The following CGNL1 variants were observed in gnomAD, a reference collection of about 807,000 sequenced individuals.
The protein encoded by CGNL1 is cingulin like 1.
In CGNL1, 132 loss-of-function variants were observed where a neutral mutation model predicts 141.2. The ratio of observed to expected loss-of-function variants is 0.93; its 90% CI spans 0.81 to 1.08. The LOEUF (loss-of-function observed/expected upper bound fraction) is 1.08, where lower values mean the gene tolerates loss of function less well. Among genes scored for constraint, CGNL1 ranks in the 50% least tolerant of loss-of-function variants. The pLI is 0.00. For synonymous variants in CGNL1, 690 were observed against 622.1 expected (o/e 1.11, Z -1.63); for missense variants, 1,870 against 1,588.6 (o/e 1.18, Z -3.01).
At chr15:57,451,634 A>C in intron 5 of CGNL1, 33 bp downstream of exon 5, 1 of 1,481,904 alleles carries the variant, frequency 6.7e-7, no homozygotes, top group Non-Finnish European at 9.3e-7. Flanking sequence ...TATTTTTTCC[A>C]TTTCTGTCTT....
intron 12 of CGNL1, among the ~76,000 whole-genome samples, chr15:57,525,542 T>C (rs1343280893): frequency 6.6e-6 from 1 of 152,248 alleles, no homozygotes; most frequent in Non-Finnish European, 1.5e-5. Context: ...TATGTGAGAC[T>C]GTGTAGCAGC....
intron 7 of CGNL1, among the ~76,000 whole-genome samples, chr15:57,455,222 A>G (rs1385491216): frequency 6.6e-6 from 1 of 152,106 alleles, no homozygotes; most frequent in African/African-American, 2.4e-5. Flanking sequence ...AACATTTTTT[A>G]CATTTATACT....
In CGNL1 at chr15:57,439,252, T is replaced by A. The variant is rs752894924; in HGVS notation, c.1253T>A (p.Leu418His). 1.9e-6 allele frequency: 3 copies of A among 1,613,928 alleles called. No homozygotes were observed. In the Admixed American group the frequency reaches 5.0e-5, roughly 27 times the overall value. ...SRNLGKSSEH[L>H]LRPSQVCPQR... ...AACTTGGGCAAGTCAAGCGAACACCTCCTCCGGCCTTCCCAGGTGTGCCCG... is the reference window on the plus strand; with the variant it reads ...AACTTGGGCAAGTCAAGCGAACACCACCTCCGGCCTTCCCAGGTGTGCCCG... Residue 418 changes from leucine to histidine, a missense_variant, in exon 2 of 19, where the codon CTC becomes CAC. Transcript: ENST00000281282.
intron 8 of CGNL1, among the ~76,000 whole-genome samples, chr15:57,511,209 C>A (rs953359087): frequency 6.6e-6 from 1 of 152,176 alleles, no homozygotes; most frequent in African/African-American, 2.4e-5. Context: ...GTCATTGTTA[C>A]CAGTTTCTCA....
intron 11 of CGNL1, 22 bp from the exon 12 acceptor site, chr15:57,524,559 A>C: frequency 6.2e-7 from 1 of 1,605,172 alleles, no homozygotes; most frequent in Non-Finnish European, 8.5e-7. Flanking sequence ...GGGTGGGCTC[A>C]CACCCGTGTC....
intron 1 of CGNL1, among the ~76,000 whole-genome samples, chr15:57,384,448 T>G (rs2062460403): frequency 6.6e-6 from 1 of 152,232 alleles, no homozygotes; most frequent in Non-Finnish European, 1.5e-5. Context: ...GTCAAAGTGC[T>G]GAAATCCAGG....
At chr15:57,397,797 T>G (rs2062618555) in intron 1 of CGNL1, among the ~76,000 whole-genome samples, 1 of 151,688 alleles carries the variant, frequency 6.6e-6, no homozygotes, top group African/African-American at 2.4e-5. Context: ...TTTTTTTTTT[T>G]TTGGAGATGG....
chr15:57,481,812 A>G lies in CGNL1; in HGVS notation c.2403+19920A>G, dbSNP rs74942484. ...AATTGCTAGGATGAATGGTAATTAC[A>G]TGTTTAGCTTTTAAAGAACCTGCAA... On this transcript the variant is annotated intron_variant, in intron 8 of 18. Transcript: ENST00000281282. 8.5e-3 allele frequency among the ~76,000 whole-genome samples: 1,288 copies of G among 152,270 alleles called. 21 individuals are homozygous for G. Among genetic ancestry groups the G allele is most frequent in the African/African-American group, 0.029 (1,222 of 41,538 alleles).
chr15:57,490,744 A>ATT (rs2063848774), intron 8 of CGNL1, among the ~76,000 whole-genome samples: 5 of 152,164 alleles, frequency 3.3e-5, no homozygotes. Context: ...GTGGGGGAGA[A>ATT]AAGAGTCACT....
intron 8 of CGNL1, among the ~76,000 whole-genome samples, chr15:57,499,294 G>A (rs1286168213): frequency 1.5e-5 from 2 of 130,606 alleles, no homozygotes; most frequent in South Asian, 2.3e-4. Context: ...CACCCAGGCT[G>A]TAATGCAGTG....
chr15:57,530,127 G>T (rs1002252112), intron 13 of CGNL1, among the ~76,000 whole-genome samples: 1 of 152,212 alleles, frequency 6.6e-6, no homozygotes, highest in Admixed American at 6.5e-5. Context: ...GGCCCTGGCC[G>T]GCACCCTTAA....
intron 14 of CGNL1, among the ~76,000 whole-genome samples, chr15:57,536,613 A>G (rs1343864746): frequency 6.6e-6 from 1 of 152,204 alleles, no homozygotes; most frequent in African/African-American, 2.4e-5. Context: ...AAGAAGTTGA[A>G]GTTGCTGGCG....
intron 8 of CGNL1, among the ~76,000 whole-genome samples, chr15:57,494,784 A>T (rs1250838456): frequency 6.6e-6 from 1 of 152,174 alleles, no homozygotes; most frequent in Non-Finnish European, 1.5e-5. Context: ...CATCCAGCAG[A>T]TTTTGGCCAA....
chr15:57,395,423 C>T (rs2062591598), intron 1 of CGNL1, among the ~76,000 whole-genome samples: 1 of 152,250 alleles, frequency 6.6e-6, no homozygotes, highest in African/African-American at 2.4e-5. Context: ...GAAACCTCAG[C>T]AGCAGCATAA....
At chr15:57,407,748 T>A (rs1371654020) in intron 1 of CGNL1, among the ~76,000 whole-genome samples, 1 of 73,086 alleles carries the variant, frequency 1.4e-5, no homozygotes, top group African/African-American at 5.7e-5. Flanking sequence ...TTATTCTCAA[T>A]TTTTTTTTTT....
intron 1 of CGNL1, among the ~76,000 whole-genome samples, chr15:57,407,749 T>TA (rs2062739798): frequency 7.2e-6 from 1 of 138,612 alleles, no homozygotes; most frequent in Non-Finnish European, 1.6e-5. Flanking sequence ...TATTCTCAAT[T>TA]TTTTTTTTTT....
At chr15:57,440,589 G>C in intron 3 of CGNL1, 118 bp downstream of exon 3, 2 of 779,106 alleles carry the variant, frequency 2.6e-6, no homozygotes, top group South Asian at 1.6e-5. Context: ...GCCGTTGGAG[G>C]GTTAAAACTC....
chr15:57,505,090 A>G (rs2064083015), intron 8 of CGNL1, among the ~76,000 whole-genome samples: 1 of 152,174 alleles, frequency 6.6e-6, no homozygotes, highest in Admixed American at 6.5e-5. Context: ...TCTTGCCAAC[A>G]GCATGGCTGG....
intron 1 of CGNL1, among the ~76,000 whole-genome samples, chr15:57,425,227 G>C (rs1007281809): frequency 1.3e-5 from 2 of 152,150 alleles, no homozygotes; most frequent in Non-Finnish European, 1.5e-5. Flanking sequence ...GGCTGGGCGT[G>C]GTGGCTCGTG....
Sources: allele counts gnomAD v4.1 joint callset (sites outside exome capture counted in the v4.1 genomes callset), GRCh38; gene constraint gnomAD v4.1.1; transcripts MANE v1.5; gene names NCBI Gene and HGNC (gene_info 2026-07-23, HGNC 2026-07-21).